The following GLRA3 variants were observed in gnomAD, a reference collection of about 807,000 sequenced individuals.
GLRA3 encodes glycine receptor subunit alpha-3.
Under a neutral mutation model 60.4 loss-of-function variants are expected in GLRA3, and 44 were observed. The observed-to-expected ratio is 0.73, with a 90% CI of 0.57 to 0.94. The LOEUF (loss-of-function observed/expected upper bound fraction) is 0.94, where lower values mean the gene tolerates loss of function less well. Ranked by LOEUF, GLRA3 falls within the 40% of genes least tolerant of loss-of-function variation. The pLI, the probability that GLRA3 is intolerant of heterozygous loss-of-function variation, is 0.00. For synonymous variants in GLRA3, 223 were observed against 192.9 expected (o/e 1.16, Z -1.29); for missense variants, 508 against 564.6 (o/e 0.90, Z 1.02).
intron 4 of GLRA3, among the ~76,000 whole-genome samples, chr4:174,716,783 A>G (rs1244554407): frequency 6.6e-6 from 1 of 152,214 alleles, no homozygotes; most frequent in Non-Finnish European, 1.5e-5. Context: ...AGCCATAGCA[A>G]ACACTCAACA....
chr4:174,657,170 T>A (rs1234486942), intron 8 of GLRA3, among the ~76,000 whole-genome samples: 2 of 152,184 alleles, frequency 1.3e-5, no homozygotes, highest in African/African-American at 4.8e-5. Context: ...AATTTCACTT[T>A]TACATGTGGT....
intron 6 of GLRA3, among the ~76,000 whole-genome samples, chr4:174,679,372 A>G (rs560436005): frequency 1.4e-4 from 21 of 152,264 alleles, no homozygotes; most frequent in African/African-American, 4.6e-4. Context: ...ACCCCAATGA[A>G]ATAACTATTA....
At chr4:174,735,015 A>C (rs985566040) in intron 3 of GLRA3, among the ~76,000 whole-genome samples, 1 of 152,148 alleles carries the variant, frequency 6.6e-6, no homozygotes, top group Non-Finnish European at 1.5e-5. Context: ...TTGCTCTTGG[A>C]TTGCAAGGTA....
chr4:174,657,646 C>T (rs987540846), intron 8 of GLRA3, among the ~76,000 whole-genome samples: 33 of 151,076 alleles, frequency 2.2e-4, no homozygotes, highest in Non-Finnish European at 3.5e-4. Flanking sequence ...AGAAAGTAGG[C>T]GGTGGAGAGG....
intron 2 of GLRA3, among the ~76,000 whole-genome samples, chr4:174,771,518 T>C (rs1290660085): frequency 1.3e-5 from 2 of 152,088 alleles, no homozygotes; most frequent in Non-Finnish European, 2.9e-5. Flanking sequence ...AATTCTGTCA[T>C]GCTCTATTGA....
rs368011117 is a variant in GLRA3, at chr4:174,788,808, A to G, written c.199+8T>C. On this transcript the variant is annotated splice_region_variant and intron_variant, in intron 2 of 9. Coordinates refer to ENST00000274093, the MANE Select transcript of GLRA3 (RefSeq NM_006529.4). ...ACACACATATAAAGTAGCAAACAGA[A>G]CAATTACCTTTAAAATTGGGTCTGA... is the stretch of plus-strand genomic sequence containing the variant. 15 of 1,589,060 alleles carry G rather than the reference A, an allele frequency of 9.4e-6. No homozygotes were observed. Among genetic ancestry groups the G allele is most frequent in the Non-Finnish European group, 1.3e-5 (15 of 1,164,978 alleles).
chr4:174,767,353 T>C (rs938818423), intron 2 of GLRA3, among the ~76,000 whole-genome samples: 1 of 152,098 alleles, frequency 6.6e-6, no homozygotes, highest in Non-Finnish European at 1.5e-5. Flanking sequence ...TTTCTATTGA[T>C]CTTTTCCCCG....
intron 1 of GLRA3, among the ~76,000 whole-genome samples, chr4:174,827,532 AATT>A (rs954961977): frequency 9.9e-5 from 15 of 152,004 alleles, no homozygotes; most frequent in African/African-American, 3.4e-4. Flanking sequence ...ACTTGGCTTT[AATT>A]ATTACAAATC....
At chr4:174,691,318 A>G (rs1189358075) in intron 5 of GLRA3, among the ~76,000 whole-genome samples, 1 of 151,984 alleles carries the variant, frequency 6.6e-6, no homozygotes, top group Non-Finnish European at 1.5e-5. Flanking sequence ...TTTTCATAAG[A>G]AAAAATGTGC....
At chr4:174,748,152 T>A (rs1291033618) in intron 3 of GLRA3, among the ~76,000 whole-genome samples, 1 of 152,126 alleles carries the variant, frequency 6.6e-6, no homozygotes, top group Non-Finnish European at 1.5e-5. Context: ...AGAAAGAAGA[T>A]AATAGTGCAA....
intron 3 of GLRA3, among the ~76,000 whole-genome samples, chr4:174,739,600 T>C (rs758893660): frequency 6.6e-6 from 1 of 152,126 alleles, no homozygotes; most frequent in Non-Finnish European, 1.5e-5. Context: ...AGGTAGAGAA[T>C]CATAGGAAGC....
intron 1 of GLRA3, among the ~76,000 whole-genome samples, chr4:174,825,189 A>C (rs1449357878): frequency 1.1e-4 from 17 of 152,070 alleles, no homozygotes; most frequent in Admixed American, 1.1e-3. Flanking sequence ...ACTATACAGA[A>C]TCTTGCTACA....
At chr4:174,783,286 A>G (rs1339311047) in intron 2 of GLRA3, among the ~76,000 whole-genome samples, 2 of 142,188 alleles carry the variant, frequency 1.4e-5, no homozygotes, top group East Asian at 3.9e-4. Flanking sequence ...CTGAAACTGG[A>G]ACCCTTCCTT....
chr4:174,777,944 C>CTACTT, intron 2 of GLRA3, among the ~76,000 whole-genome samples: 1 of 152,048 alleles, frequency 6.6e-6, no homozygotes, highest in South Asian at 2.1e-4. Flanking sequence ...AAATGAAAAC[C>CTACTT]TATTTTATTT....
intron 3 of GLRA3, among the ~76,000 whole-genome samples, chr4:174,742,096 A>C (rs886963470): frequency 1.3e-5 from 2 of 152,164 alleles, no homozygotes; most frequent in African/African-American, 4.8e-5. Flanking sequence ...TATCACAGCA[A>C]TTTTGTTGTT....
At chr4:174,793,340 G>A (rs1739432811) in intron 1 of GLRA3, among the ~76,000 whole-genome samples, 1 of 151,556 alleles carries the variant, frequency 6.6e-6, no homozygotes, top group Non-Finnish European at 1.5e-5. Context: ...TTACTCCCAT[G>A]GTATCAACTG....
At position 174,689,756 on chromosome 4, in the gene GLRA3, T is replaced by TAAAA. The variant is rs553306775; in HGVS notation, c.575-6821_575-6818dup. Among the ~76,000 whole-genome samples, 97 of 39,540 alleles carry TAAAA rather than the reference T, an allele frequency of 2.5e-3. 17 individuals are homozygous for TAAAA. Among genetic ancestry groups the TAAAA allele is most frequent in the African/African-American group, 3.7e-3 (35 of 9,364 alleles). 25.9% of individuals were successfully genotyped at this position (39,540 alleles called of 152,430 possible). A position where few individuals can be genotyped will look rare whatever the true frequency, so the allele number is the denominator to read the frequency against. On this transcript the variant is annotated intron_variant, in intron 5 of 9. Transcript: ENST00000274093. Reference sequence around the variant, plus strand: ...AAAGGCACAGAGTGGTAAGTCGCATTAAAAAAAAAAAAAAAAAAAAAAAAA... The same window carrying TAAAA: ...AAAGGCACAGAGTGGTAAGTCGCATTAAAAAAAAAAAAAAAAAAAAAAAAAAAAA...
In GLRA3 at chr4:174,766,950, G is replaced by A. The variant is rs1738164438; in HGVS notation, c.267+13C>T. On this transcript the variant is annotated intron_variant, in intron 3 of 9. Transcript: ENST00000274093. ...ACTCTAGTGTGAAACTTGTTGCAAA[G>A]TAAAATGCCTACCATGGTCGTCTCT... 6.8e-7 allele frequency: 1 copy of A among 1,479,182 alleles called. No homozygotes were observed. The highest frequency in any genetic ancestry group is 1.2e-5 in the South Asian group (1 of 85,456). The allele number at this position is 1,479,182 out of a possible 1,614,324, so 91.6% of individuals were successfully genotyped here.
rs527654028 is a variant in GLRA3 at position 174,740,123 on chromosome 4, A to G, written c.268-11425T>C. 5.6e-4 allele frequency among the ~76,000 whole-genome samples: 85 copies of G among 152,302 alleles called. 3 individuals are homozygous for G. In the Middle Eastern group the frequency reaches 0.027, roughly 49 times the overall value. On this transcript the variant is annotated intron_variant, in intron 3 of 9. Transcript: ENST00000274093. ...TTTGCACTCGCATCTAATTTAGTTG[A>G]CACAATTCCAGACTTCAAAACAATG...
Sources: allele counts gnomAD v4.1 joint callset (sites outside exome capture counted in the v4.1 genomes callset), GRCh38; gene constraint gnomAD v4.1.1; transcripts MANE v1.5; gene names NCBI Gene and HGNC (gene_info 2026-07-23, HGNC 2026-07-21).